Variants in HMCN1 observed in about 807,000 individuals in gnomAD.
The protein encoded by HMCN1 is hemicentin-1.
HMCN1 carries 321 observed loss-of-function variants against 625.9 expected under a neutral mutation model. The ratio of observed to expected loss-of-function variants is 0.51; its 90% CI spans 0.47 to 0.56. HMCN1 has a LOEUF of 0.56. HMCN1 is among the 20% of genes least tolerant of loss of function. The pLI, the probability that HMCN1 is intolerant of heterozygous loss-of-function variation, is 0.00. For synonymous variants in HMCN1, 2,425 were observed against 2,417.6 expected (o/e 1.00, Z -0.09); for missense variants, 6,588 against 6,887.3 (o/e 0.96, Z 1.54).
chr1:185,899,050 A>G (rs760258285), intron 4 of HMCN1, among the ~76,000 whole-genome samples: 1 of 152,088 alleles, frequency 6.6e-6, no homozygotes, highest in Non-Finnish European at 1.5e-5. Context: ...CCAAGTCTCT[A>G]AAAAGGGTAA....
chr1:186,006,384 T>C (rs1470946442), intron 29 of HMCN1, among the ~76,000 whole-genome samples: 1 of 152,040 alleles, frequency 6.6e-6, no homozygotes, highest in Non-Finnish European at 1.5e-5. Flanking sequence ...CCTGAAAAAA[T>C]ATTTATGGAC....
intron 30 of HMCN1, among the ~76,000 whole-genome samples, chr1:186,012,898 A>G (rs1654095632): frequency 1.3e-5 from 2 of 152,148 alleles, no homozygotes; most frequent in Admixed American, 1.3e-4. Context: ...TAAACACAGT[A>G]TTTTGCCCTT....
In HMCN1 at chr1:186,144,598, A is replaced by G. The variant is rs866134460; in HGVS notation, c.14161A>G (p.Arg4721Gly). 2.5e-6 allele frequency: 4 copies of G among 1,614,136 alleles called. No homozygotes were observed. The Middle Eastern group carries it at 6.6e-4, about 266-fold the overall frequency. ...TTCTGTGTCATGTGGAGGAGGTGCCAGACAGAGAACAAGGGGCTGCTCCGA... is the reference window on the plus strand; with the variant it reads ...TTCTGTGTCATGTGGAGGAGGTGCCGGACAGAGAACAAGGGGCTGCTCCGA... ...ACSVSCGGGA[R>G]QRTRGCSDPV... Residue 4721 changes from arginine to glycine, a missense_variant, in exon 91 of 107, where the codon AGA becomes GGA. Arg to Gly is a moderately radical substitution (Grantham distance 125). Transcript: ENST00000271588.
At position 186,152,851 on chromosome 1, in the gene HMCN1, C is replaced by A; in HGVS notation, c.14998C>A (p.Pro5000Thr). ...VSGYVLQLQS[P>T]AEVTVKDYTE... ...TGGCTATGTCCTACAGCTTCAGTCA[C>A]CTGCTGAAGTCACTGTAAAGGTAAA... The change falls in exon 96 of 107, where the codon CCT becomes ACT. Residue 5000 changes from proline (P) to threonine (T), a missense_variant. Physicochemically the swap from Pro to Thr is conservative, Grantham distance 38. Around this residue, in one of 3 missense-constraint regions of HMCN1, gnomAD observed 1,954 missense variants for 2,013.1 expected, o/e 0.97. Coordinates refer to ENST00000271588, the MANE Select transcript of HMCN1 (RefSeq NM_031935.3). The A allele has an allele frequency of 1.2e-6, 2 of 1,613,890 alleles. No homozygotes were observed. Among genetic ancestry groups the A allele is most frequent in the Non-Finnish European group, 1.7e-6 (2 of 1,179,834 alleles).
At chr1:186,017,664 A>T (rs953095269) in intron 33 of HMCN1, among the ~76,000 whole-genome samples, 6 of 152,030 alleles carry the variant, frequency 3.9e-5, no homozygotes, top group African/African-American at 1.4e-4. Flanking sequence ...ATGCTATATG[A>T]TTTCAAAGTT....
chr1:185,829,894 C>T (rs748608672), intron 1 of HMCN1, among the ~76,000 whole-genome samples: 6 of 152,192 alleles, frequency 3.9e-5, no homozygotes, highest in Non-Finnish European at 8.8e-5. Context: ...TTCTCCACAG[C>T]CTTGCCAGAA....
At chr1:185,752,744 A>T (rs1396489664) in intron 1 of HMCN1, among the ~76,000 whole-genome samples, 1 of 152,212 alleles carries the variant, frequency 6.6e-6, no homozygotes, top group African/African-American at 2.4e-5. Context: ...ATGATTTCTC[A>T]GAAGATCTTT....
intron 36 of HMCN1, among the ~76,000 whole-genome samples, chr1:186,033,313 G>A (rs1456799441): frequency 1.3e-5 from 2 of 152,246 alleles, no homozygotes; most frequent in Admixed American, 6.5e-5. Flanking sequence ...GATGAGGGAT[G>A]AGGGATAAAA....
Position 186,178,676 on chromosome 1 carries a change from A to G in HMCN1, c.16204A>G (p.Arg5402Gly). The change falls in exon 104 of 107, where the codon AGA becomes GGA. Residue 5402 changes from arginine to glycine, a missense_variant. By Grantham distance (125) the Arg-to-Gly change is moderately radical. Around this residue, in one of 3 missense-constraint regions of HMCN1, gnomAD observed 1,954 missense variants for 2,013.1 expected, o/e 0.97. Transcript: ENST00000271588. ...SHLYSSYSEY[R>G]NSRTSLSRTR... ...TCTCTACAGCTCCTACTCAGAGTATAGAAACAGCAGAACATCTCTCTCCAG... is the reference window on the plus strand; with the variant it reads ...TCTCTACAGCTCCTACTCAGAGTATGGAAACAGCAGAACATCTCTCTCCAG... The G allele has an allele frequency of 1.2e-6, 2 of 1,614,150 alleles. No homozygotes were observed. Among genetic ancestry groups the G allele is most frequent in the East Asian group, 2.2e-5 (1 of 44,886 alleles).
intron 1 of HMCN1, among the ~76,000 whole-genome samples, chr1:185,815,444 A>G (rs1317211966): frequency 6.7e-6 from 1 of 150,148 alleles, no homozygotes. Context: ...TGGCTACCGT[A>G]TTTTCTCATC....
chr1:186,182,914 T>A (rs1415921716), intron 105 of HMCN1, among the ~76,000 whole-genome samples: 1 of 152,154 alleles, frequency 6.6e-6, no homozygotes, highest in African/African-American at 2.4e-5. Context: ...GATATAGCAA[T>A]GACAAAGAAT....
chr1:186,119,626 C>G, intron 78 of HMCN1, 119 bp from the exon 79 acceptor site: 1 of 1,047,618 alleles, frequency 9.5e-7, no homozygotes, highest in Non-Finnish European at 1.4e-6. Flanking sequence ...TTCTCTTGGG[C>G]AATCAAATCA....
At chr1:185,751,405 G>A (rs2102094867) in intron 1 of HMCN1, among the ~76,000 whole-genome samples, 1 of 152,092 alleles carries the variant, frequency 6.6e-6, no homozygotes, top group Non-Finnish European at 1.5e-5. Context: ...ATTTAGGTAA[G>A]CTGTGTTTTC....
At chr1:185,740,935 A>T (rs1183701834) in intron 1 of HMCN1, among the ~76,000 whole-genome samples, 1 of 152,150 alleles carries the variant, frequency 6.6e-6, no homozygotes, top group Non-Finnish European at 1.5e-5. Context: ...TGGAGGTTAC[A>T]GTGAGCTGAG....
At chr1:186,099,187 A>C (rs1660278788) in intron 68 of HMCN1, among the ~76,000 whole-genome samples, 1 of 152,126 alleles carries the variant, frequency 6.6e-6, no homozygotes, top group South Asian at 2.1e-4. Flanking sequence ...GAACTGATAA[A>C]TGTTTGAAGT....
intron 103 of HMCN1, among the ~76,000 whole-genome samples, chr1:186,177,791 G>A (rs889216623): frequency 3.9e-5 from 6 of 151,950 alleles, no homozygotes; most frequent in Admixed American, 1.3e-4. Flanking sequence ...AAATGTACAC[G>A]TATGATTGTA....
chr1:186,113,530 A>G (rs936100434), intron 72 of HMCN1, among the ~76,000 whole-genome samples: 2 of 152,250 alleles, frequency 1.3e-5, no homozygotes, highest in Non-Finnish European at 2.9e-5. Flanking sequence ...AATGATCAAT[A>G]AAATGCATGC....
intron 36 of HMCN1, among the ~76,000 whole-genome samples, chr1:186,025,172 TCTA>T (rs202176212): frequency 0.01 from 1,595 of 152,214 alleles, 70 homozygotes; most frequent in Admixed American, 0.079. Context: ...CCTAGGAGAA[TCTA>T]CTGCTGCTGC....
rs530194454 is a variant in HMCN1 at position 186,046,372 on chromosome 1, G to A, written c.6480+509G>A. On this transcript the variant is annotated intron_variant, in intron 41 of 106. Coordinates refer to ENST00000271588, the MANE Select transcript of HMCN1 (RefSeq NM_031935.3). ...TAATCCCAGCTACTTGGGAGACTGA[G>A]GAAAGAGAACTGCCTGAACCCGGGA... Among the ~76,000 whole-genome samples, 19 of 152,220 alleles carry A rather than the reference G, an allele frequency of 1.2e-4. No individual in the cohort carries two copies. The South Asian group carries it at 3.9e-3, about 32-fold the overall frequency.
Sources: allele counts gnomAD v4.1 joint callset (sites outside exome capture counted in the v4.1 genomes callset), GRCh38; gene constraint gnomAD v4.1.1; regional missense constraint gnomAD v4.1.1; transcripts MANE v1.5; gene names NCBI Gene and HGNC (gene_info 2026-07-23, HGNC 2026-07-21).